ASPH: variants seen among roughly 807,000 people sequenced by gnomAD.
The protein encoded by ASPH is aspartate beta-hydroxylase.
ASPH carries 100 observed loss-of-function variants against 118.4 expected under a neutral mutation model. The ratio of observed to expected loss-of-function variants is 0.84; its 90% CI spans 0.72 to 1.00. The LOEUF is 1.00. Among genes scored for constraint, ASPH ranks in the 50% least tolerant of loss-of-function variants. The probability of loss-of-function intolerance (pLI) is 0.00; values close to 1 mark genes in which losing one functional copy is unlikely to be tolerated. For synonymous variants in ASPH, 315 were observed against 325.6 expected (o/e 0.97, Z 0.35); for missense variants, 920 against 919.5 (o/e 1.00, Z -0.01).
At chr8:61,561,075 AGAGG>A (rs1165844240) in intron 18 of ASPH, among the ~76,000 whole-genome samples, 7 of 77,936 alleles carry the variant, frequency 9.0e-5, no homozygotes, top group East Asian at 8.5e-4. Context: ...AGGAAGGGAG[AGAGG>A]GAGGGAGGGA....
In ASPH at chr8:61,501,362, C is replaced by T. The variant is rs889738433; in HGVS notation, c.*1997G>A. The T allele has an allele frequency of 5.3e-5, 8 of 152,120 alleles. No homozygotes were observed. The highest frequency in any genetic ancestry group is 8.8e-5 in the Non-Finnish European group (6 of 68,002). 9.4% of individuals were successfully genotyped at this position (152,120 alleles called of 1,614,324 possible). ...ATTTCTAGCTTTTCAATTGGCAATA[C>T]TTAGAACCTTACTGTAGTGACCTGA... On this transcript the variant is annotated 3_prime_UTR_variant, in exon 25 of 25. Transcript: ENST00000379454.
At chr8:61,621,584 T>A (rs1004387846) in intron 13 of ASPH, among the ~76,000 whole-genome samples, 1 of 152,238 alleles carries the variant, frequency 6.6e-6, no homozygotes, top group Non-Finnish European at 1.5e-5. Context: ...TATACAGGCA[T>A]TGTTCTAAGC....
rs28811131 is a variant in ASPH at position 61,598,046 on chromosome 8, G to A, written c.977-14017C>T. On this transcript the variant is annotated intron_variant, in intron 14 of 24. Coordinates refer to ENST00000379454, the MANE Select transcript of ASPH (RefSeq NM_004318.4). ...CCAAACTGCATGATAAACAACAGAC[G>A]ATAAAGGAGCAAAAAATATACAACA... Among the ~76,000 whole-genome samples the A allele has an allele frequency of 5.5e-3, 837 of 152,234 alleles. 9 individuals are homozygous for A. Among genetic ancestry groups the A allele is most frequent in the African/African-American group, 0.019 (786 of 41,540 alleles).
chr8:61,598,804 C>A (rs1843129538), intron 14 of ASPH, among the ~76,000 whole-genome samples: 1 of 152,086 alleles, frequency 6.6e-6, no homozygotes, highest in South Asian at 2.1e-4. Context: ...TCTTCCAGAA[C>A]ACAATGAAAT....
intron 14 of ASPH, among the ~76,000 whole-genome samples, chr8:61,610,975 G>GT (rs1847157359): frequency 6.6e-6 from 1 of 152,132 alleles, no homozygotes; most frequent in Admixed American, 6.5e-5. Context: ...GCAACTTCAT[G>GT]GTGTCTTTGC....
At chr8:61,637,189 G>A (rs528259520) in intron 12 of ASPH, among the ~76,000 whole-genome samples, 18 of 152,150 alleles carry the variant, frequency 1.2e-4, no homozygotes, top group African/African-American at 4.3e-4. Flanking sequence ...TGTTAAAGCA[G>A]AGACCCCATT....
intron 24 of ASPH, among the ~76,000 whole-genome samples, chr8:61,505,454 A>C (rs1338682748): frequency 7.0e-6 from 1 of 143,876 alleles, no homozygotes; most frequent in Non-Finnish European, 1.5e-5. Context: ...AGATCATGCC[A>C]CTGTGCTCCA....
chr8:61,521,281 C>T (rs1812893250), intron 22 of ASPH, among the ~76,000 whole-genome samples: 1 of 152,180 alleles, frequency 6.6e-6, no homozygotes, highest in African/African-American at 2.4e-5. Flanking sequence ...CCAGAGACCA[C>T]CTCTCCACTA....
chr8:61,570,102 A>G (rs1833007915), intron 16 of ASPH, among the ~76,000 whole-genome samples: 2 of 152,216 alleles, frequency 1.3e-5, no homozygotes, highest in Non-Finnish European at 2.9e-5. Flanking sequence ...GTCAAAATGT[A>G]TTTAATACAG....
chr8:61,526,509 C>T (rs778761965), intron 21 of ASPH, among the ~76,000 whole-genome samples: 5 of 152,042 alleles, frequency 3.3e-5, no homozygotes, highest in African/African-American at 9.7e-5. Flanking sequence ...AAATCACAGA[C>T]GTAATTTCAC....
At chr8:61,677,163 T>C (rs568509748) in intron 3 of ASPH, among the ~76,000 whole-genome samples, 1 of 152,278 alleles carries the variant, frequency 6.6e-6, no homozygotes, top group East Asian at 1.9e-4. Context: ...AATTAGCTTC[T>C]ATTGCTAAGA....
At position 61,680,804 on chromosome 8, in the gene ASPH, T is replaced by G. The variant is rs928396433; in HGVS notation, c.322+164A>C. The G allele has an allele frequency of 8.5e-6, 4 of 470,416 alleles. No homozygotes were observed. The Admixed American group carries it at 1.7e-4, about 19-fold the overall frequency. The allele number at this position is 470,416 out of a possible 1,614,324, so 29.1% of individuals were successfully genotyped here. Reference sequence around the variant, plus strand: ...AAAAGTAAATTGACATGAAAGAGTGTGGAAAAATAAGCCATTTAAAATTTT... The same window carrying G: ...AAAAGTAAATTGACATGAAAGAGTGGGGAAAAATAAGCCATTTAAAATTTT... On this transcript the variant is annotated intron_variant, in intron 3 of 24. Transcript: ENST00000379454.
At chr8:61,688,104 A>G (rs906678637) in intron 1 of ASPH, among the ~76,000 whole-genome samples, 1 of 152,192 alleles carries the variant, frequency 6.6e-6, no homozygotes, top group Non-Finnish European at 1.5e-5. Flanking sequence ...CAAACCCTTA[A>G]GAGGGTTTAC....
chr8:61,650,321 T>G (rs1287208293), intron 5 of ASPH, among the ~76,000 whole-genome samples: 1 of 152,122 alleles, frequency 6.6e-6, no homozygotes, highest in East Asian at 1.9e-4. Context: ...TACAGGGCAT[T>G]GTTTGTTTTT....
intron 24 of ASPH, among the ~76,000 whole-genome samples, chr8:61,509,190 C>G (rs1807859710): frequency 6.6e-6 from 1 of 151,968 alleles, no homozygotes; most frequent in Non-Finnish European, 1.5e-5. Flanking sequence ...GATCCAGAGC[C>G]CAAAAGAGGG....
At chr8:61,707,269 C>A (rs539822040) in intron 1 of ASPH, among the ~76,000 whole-genome samples, 2 of 151,412 alleles carry the variant, frequency 1.3e-5, no homozygotes, top group South Asian at 4.2e-4. Context: ...ATCAATACTA[C>A]AAATACAAAA....
chr8:61,631,909 T>G (rs1855778917), intron 13 of ASPH: 1 of 154,196 alleles, frequency 6.5e-6, no homozygotes, highest in Admixed American at 6.6e-5. Flanking sequence ...GCACATGGAG[T>G]GGAGAGGGAT....
chr8:61,688,594 T>C (rs1012638315), intron 1 of ASPH, among the ~76,000 whole-genome samples: 1 of 152,218 alleles, frequency 6.6e-6, no homozygotes, highest in Non-Finnish European at 1.5e-5. Context: ...TAGCATTATG[T>C]TGGGAATTTC....
intron 2 of ASPH, among the ~76,000 whole-genome samples, chr8:61,682,035 A>G (rs1414917958): frequency 2.6e-5 from 4 of 152,058 alleles, no homozygotes; most frequent in Admixed American, 2.6e-4. Flanking sequence ...AACACAAAGT[A>G]CATTAAAAAA....
Sources: gnomAD v4.1 joint callset for allele counts (sites outside exome capture counted in the v4.1 genomes callset) on GRCh38, gnomAD v4.1.1 for gene constraint, MANE v1.5 for transcripts, NCBI Gene and HGNC (gene_info 2026-07-23, HGNC 2026-07-21) for gene names.